Variants in USP31 observed in about 807,000 individuals in gnomAD.
The protein encoded by USP31 is ubiquitin carboxyl-terminal hydrolase 31.
USP31 carries 44 observed loss-of-function variants against 119.4 expected under a neutral mutation model. The observed-to-expected ratio is 0.37, with a 90% CI of 0.29 to 0.47. USP31 has a LOEUF of 0.47. Among genes scored for constraint, USP31 ranks in the 20% least tolerant of loss-of-function variants. The pLI is 0.99. For missense variants in USP31, 1,643 were observed against 1,730.2 expected, an observed-to-expected ratio of 0.95 and a Z score of 0.89; for synonymous variants, 749 against 705.6, an observed-to-expected ratio of 1.06 and a Z score of -0.97.
In USP31 at chr16:23,066,536, G is replaced by C. The variant is rs1404933451; in HGVS notation, c.*1510C>G. ...GATCTGTGCACCAAGGGTTCAAGAA[G>C]AACTTGAAGAGTCTGACGAAAAACG... On this transcript the variant is annotated 3_prime_UTR_variant, in exon 16 of 16. Transcript: ENST00000219689. 6.6e-6 allele frequency: 1 copy of C among 152,070 alleles called. No homozygotes were observed. The highest frequency in any genetic ancestry group is 1.5e-5 in the Non-Finnish European group (1 of 68,028). The allele number at this position is 152,070 out of a possible 1,614,324, so 9.4% of individuals were successfully genotyped here. A position where few individuals can be genotyped will look rare whatever the true frequency, so the allele number is the denominator to read the frequency against.
intron 1 of USP31, among the ~76,000 whole-genome samples, chr16:23,110,790 T>C (rs951807949): frequency 3.3e-5 from 5 of 152,148 alleles, no homozygotes; most frequent in African/African-American, 9.7e-5. Context: ...GTAAATGAGA[T>C]ATAACCAGCA....
At chr16:23,117,947 T>C (rs754975134) in intron 1 of USP31, among the ~76,000 whole-genome samples, 3 of 151,928 alleles carry the variant, frequency 2.0e-5, no homozygotes, top group East Asian at 1.9e-4. Flanking sequence ...CGCCACCACG[T>C]CCTGCTAATT....
intron 1 of USP31, among the ~76,000 whole-genome samples, chr16:23,112,085 T>C (rs893504715): frequency 6.6e-6 from 1 of 151,916 alleles, no homozygotes; most frequent in African/African-American, 2.4e-5. Flanking sequence ...CTGAATAAAA[T>C]GAACAAGGGA....
At chr16:23,074,784 G>A (rs1392011128) in intron 13 of USP31, among the ~76,000 whole-genome samples, 1 of 152,198 alleles carries the variant, frequency 6.6e-6, no homozygotes, top group African/African-American at 2.4e-5. Context: ...AGCAAAAACA[G>A]ACGAAAACTT....
Position 23,067,913 on chromosome 16 carries a change from T to TCACACACA in USP31, c.*125_*132dup, listed in dbSNP as rs113946424. The TCACACACA allele has an allele frequency of 5.3e-3, 5,367 of 1,017,686 alleles. 17 individuals carry two copies. Among genetic ancestry groups the TCACACACA allele is most frequent in the Middle Eastern group, 0.012 (37 of 2,998 alleles). 63.0% of individuals were successfully genotyped at this position (1,017,686 alleles called of 1,614,324 possible). A position where few individuals can be genotyped will look rare whatever the true frequency, so the allele number is the denominator to read the frequency against. The stretch of plus-strand genomic sequence containing the variant: ...GAATTAGACACACACACGCATACAC[T>TCACACACA]CACACACACACACACAGTCGGGCAC... On this transcript the variant is annotated 3_prime_UTR_variant, in exon 16 of 16. Coordinates refer to ENST00000219689, the MANE Select transcript of USP31 (RefSeq NM_020718.4).
rs765483919 is a variant in USP31 at position 23,080,111 on chromosome 16, T to C, written c.2011A>G (p.Met671Val). ...MVKFPLTGLD[M>V]TPHVVKRSQS... ...CTCCTCTTAACCACGTGAGGTGTCA[T>C]GTCCAGGCCAGTCAAGGGGAATTTG... The change falls in exon 13 of 16, where the codon ATG (methionine) becomes GTG (valine). Residue 671 changes from methionine (M) to valine (V), a missense_variant. Coordinates refer to ENST00000219689, the MANE Select transcript of USP31 (RefSeq NM_020718.4). 1.9e-6 allele frequency: 3 copies of C among 1,606,426 alleles called. No homozygotes were observed. Among genetic ancestry groups the C allele is most frequent in the Non-Finnish European group, 2.5e-6 (3 of 1,177,034 alleles).
intron 6 of USP31, among the ~76,000 whole-genome samples, chr16:23,093,269 T>C (rs1379692267): frequency 6.6e-6 from 1 of 152,198 alleles, no homozygotes; most frequent in Admixed American, 6.5e-5. Context: ...TTGCAAGTCA[T>C]ATATCCCATA....
chr16:23,088,992 C>T (rs1389391634), intron 7 of USP31, among the ~76,000 whole-genome samples: 1 of 152,146 alleles, frequency 6.6e-6, no homozygotes, highest in Non-Finnish European at 1.5e-5. Flanking sequence ...AACAGTGAAC[C>T]AATCTGCCTA....
intron 1 of USP31, among the ~76,000 whole-genome samples, chr16:23,112,632 GCTTATGGC>G (rs1228782010): frequency 6.6e-6 from 1 of 152,118 alleles, no homozygotes; most frequent in Non-Finnish European, 1.5e-5. Flanking sequence ...AAATGGTTTG[GCTTATGGC>G]CTTATGTTCC....
intron 1 of USP31, among the ~76,000 whole-genome samples, chr16:23,121,649 A>G (rs557764446): frequency 6.6e-6 from 1 of 152,350 alleles, no homozygotes; most frequent in African/African-American, 2.4e-5. Flanking sequence ...AGAATAGATC[A>G]AGCTGTTCTC....
chr16:23,102,350 T>C lies in USP31; in HGVS notation c.1203A>G (p.Ile401Met), dbSNP rs753277820. 3 of 1,614,046 alleles carry C rather than the reference T, an allele frequency of 1.9e-6. No homozygotes were observed. The highest frequency in any genetic ancestry group is 1.7e-6 in the Non-Finnish European group (2 of 1,179,948). Residue 401 changes from isoleucine (I) to methionine (M), a missense_variant, in exon 6 of 16, where the codon ATA becomes ATG. This residue lies in a region of USP31 where 219 missense variants were observed against 226.4 expected (regional missense o/e 0.97). Coordinates refer to ENST00000219689, the MANE Select transcript of USP31 (RefSeq NM_020718.4). ...DCIFAFETPE[I>M]FRPEGILSQR... is the part of the protein sequence containing the mutation. ...GACTGAGAATTCCTTCAGGCCTAAA[T>C]ATTTCGGGAGTCTCAAAGGCAAAAA...
chr16:23,130,910 A>G (rs528470543), intron 1 of USP31, among the ~76,000 whole-genome samples: 1 of 152,348 alleles, frequency 6.6e-6, no homozygotes, highest in South Asian at 2.1e-4. Context: ...TTTTGGATCC[A>G]AATGCAAGAT....
chr16:23,104,491 GAAGA>G (rs1902011989), intron 5 of USP31, among the ~76,000 whole-genome samples: 3 of 152,184 alleles, frequency 2.0e-5, no homozygotes, highest in Admixed American at 1.3e-4. Context: ...ATCCTGAAGA[GAAGA>G]AAGAGCCAAT....
At chr16:23,143,368 T>C (rs1903406191) in intron 1 of USP31, among the ~76,000 whole-genome samples, 1 of 152,208 alleles carries the variant, frequency 6.6e-6, no homozygotes, top group Admixed American at 6.5e-5. Context: ...CAGAAAGCAT[T>C]TGTAAGAATC....
At position 23,068,379 on chromosome 16, in the gene USP31, C is replaced by T. The variant is rs773616659; in HGVS notation, c.3726G>A (p.Thr1242=). The change falls in exon 16 of 16, where the codon ACG becomes ACA. Residue 1242 remains threonine (T), a synonymous_variant. Transcript: ENST00000219689. ...ALRQKETRRS[T]DLGKTALLSK... ...AGAGCAAGGCTGTCTTGCCAAGATCCGTCGAGCGCCGGGTTTCCTTCTGTC... is the reference window on the plus strand; with the variant it reads ...AGAGCAAGGCTGTCTTGCCAAGATCTGTCGAGCGCCGGGTTTCCTTCTGTC... 8.7e-6 allele frequency: 14 copies of T among 1,613,984 alleles called. No individual in the cohort carries two copies. Among genetic ancestry groups the T allele is most frequent in the East Asian group, 2.2e-5 (1 of 44,894 alleles).
rs1900807334 is a variant in USP31 at position 23,081,216 on chromosome 16, A to G, written c.1951-1045T>C. 2.6e-5 allele frequency among the ~76,000 whole-genome samples: 4 copies of G among 152,312 alleles called. 1 individual carries two copies. In the South Asian group the frequency reaches 8.3e-4, roughly 32 times the overall value. On this transcript the variant is annotated intron_variant, in intron 12 of 15. Transcript: ENST00000219689. ...CCTCTGGATTGCTGGAAGGGTGGTG[A>G]CATGCCTTCAAAAGAAAACAGAAAG...
chr16:23,130,831 C>T (rs1178768459), intron 1 of USP31, among the ~76,000 whole-genome samples: 1 of 152,182 alleles, frequency 6.6e-6, no homozygotes, highest in Non-Finnish European at 1.5e-5. Flanking sequence ...GCAGATACAT[C>T]AGCGTAAGTC....
At position 23,148,841 on chromosome 16, in the gene USP31, G is replaced by A; in HGVS notation, c.430C>T (p.Gln144Ter). The A allele has an allele frequency of 1.3e-6, 2 of 1,530,602 alleles. No homozygotes were observed. Among genetic ancestry groups the A allele is most frequent in the Non-Finnish European group, 1.8e-6 (2 of 1,140,298 alleles). The allele number at this position is 1,530,602 out of a possible 1,614,324, so 94.8% of individuals were successfully genotyped here. A position where few individuals can be genotyped will look rare whatever the true frequency, so the allele number is the denominator to read the frequency against. ...AAGAGCTCGGTGTTGCTGAGGCACTGCAGCGTGGCGTTCATGAAGCACGTG... is the reference window on the plus strand; with the variant it reads ...AAGAGCTCGGTGTTGCTGAGGCACTACAGCGTGGCGTTCATGAAGCACGTG... ...GNTCFMNATL[Q>*]CLSNTELFAE... Residue 144 changes from glutamine (Q) to a stop codon, truncating the protein, a stop_gained, in exon 1 of 16, where the codon CAG becomes TAG. Transcript: ENST00000219689. LOFTEE classifies it high-confidence loss of function.
rs748434759 is a variant in USP31, at chr16:23,106,219, T to C, written c.947A>G (p.His316Arg). ...LCISLPIPLP[H>R]TRPLYVTVVY... ...TTACTAAATCCATTCTTACCTTGTGTGGGGCAGAGGAATTGGCAAAGAAAT... is the reference window on the plus strand; with the variant it reads ...TTACTAAATCCATTCTTACCTTGTGCGGGGCAGAGGAATTGGCAAAGAAAT... The change falls in exon 4 of 16, where the codon CAC (histidine) becomes CGC (arginine). Residue 316 changes from histidine to arginine, a missense_variant. Around this residue, in one of 5 missense-constraint regions of USP31, gnomAD observed 144 missense variants for 218.0 expected, o/e 0.66. Coordinates refer to ENST00000219689, the MANE Select transcript of USP31 (RefSeq NM_020718.4). 6 of 1,614,160 alleles carry C rather than the reference T, an allele frequency of 3.7e-6. No individual in the cohort carries two copies. Among genetic ancestry groups the C allele is most frequent in the Admixed American group, 1.7e-5 (1 of 60,030 alleles).
Sources: allele counts gnomAD v4.1 joint callset (sites outside exome capture counted in the v4.1 genomes callset), GRCh38; gene constraint gnomAD v4.1.1; regional missense constraint gnomAD v4.1.1; transcripts MANE v1.5; gene names NCBI Gene and HGNC (gene_info 2026-07-23, HGNC 2026-07-21).